Variants in SENP5 observed in about 807,000 individuals in gnomAD.
The protein encoded by SENP5 is SUMO specific peptidase 5, also known as sentrin-specific protease 5.
Under a neutral mutation model 74.2 loss-of-function variants are expected in SENP5, and 21 were observed. That is an observed-to-expected ratio of 0.28 (90% CI 0.20 to 0.41). The LOEUF (loss-of-function observed/expected upper bound fraction) is 0.41, where lower values mean the gene tolerates loss of function less well. Ranked by LOEUF, SENP5 falls within the 10% of genes least tolerant of loss-of-function variation. The pLI, the probability that SENP5 is intolerant of heterozygous loss-of-function variation, is 1.00. For missense variants in SENP5, 717 were observed against 889.1 expected (o/e 0.81, Z 2.46); for synonymous variants, 311 against 312.7 (o/e 0.99, Z 0.06).
At chr3:196,889,047 C>T (rs542346567) in intron 2 of SENP5, among the ~76,000 whole-genome samples, 42 of 151,956 alleles carry the variant, frequency 2.8e-4, no homozygotes, top group Non-Finnish European at 5.6e-4. Context: ...ACGGGGGAGG[C>T]GGAGCTTGCA....
At chr3:196,898,157 GA>G in intron 2 of SENP5, among the ~76,000 whole-genome samples, 1 of 145,432 alleles carries the variant, frequency 6.9e-6, no homozygotes, top group Non-Finnish European at 1.5e-5. Context: ...CAGCCTGGGT[GA>G]AAAGAGCAAG....
chr3:196,900,203 A>G, intron 4 of SENP5, 141 bp downstream of exon 4: 2 of 1,235,106 alleles, frequency 1.6e-6, no homozygotes, highest in Non-Finnish European at 2.2e-6. Flanking sequence ...CAGGATCCAA[A>G]CGGTTTGATT....
chr3:196,888,116 T>A (rs1014239624), intron 2 of SENP5, among the ~76,000 whole-genome samples: 1 of 152,182 alleles, frequency 6.6e-6, no homozygotes, highest in Non-Finnish European at 1.5e-5. Context: ...AGTTTTTACG[T>A]CATGCTTTAA....
At chr3:196,873,221 A>G (rs1369597937) in intron 1 of SENP5, among the ~76,000 whole-genome samples, 3 of 151,812 alleles carry the variant, frequency 2.0e-5, no homozygotes, top group African/African-American at 7.3e-5. Flanking sequence ...TTACAGGCAC[A>G]TGCCACCATG....
In SENP5 at chr3:196,885,369, C is replaced by G. The variant is rs1226160948; in HGVS notation, c.188C>G (p.Ala63Gly). The change falls in exon 2 of 10, where the codon GCT becomes GGT. Residue 63 changes from alanine (A) to glycine (G), a missense_variant. Coordinates refer to ENST00000323460, the MANE Select transcript of SENP5 (RefSeq NM_152699.5). ...QLRHFQGRKKALQIQKTWIKD... is the reference protein window; with the variant it reads ...QLRHFQGRKKGLQIQKTWIKD... ...AGACATTTCCAGGGTAGAAAGAAAG[C>G]TCTTCAAATCCAGAAAACGTGGATC... 6.2e-7 allele frequency: 1 copy of G among 1,614,010 alleles called. No individual in the cohort carries two copies. Among genetic ancestry groups the G allele is most frequent in the African/African-American group, 1.3e-5 (1 of 74,908 alleles).
intron 1 of SENP5, among the ~76,000 whole-genome samples, chr3:196,875,951 T>G (rs1181534891): frequency 6.6e-6 from 1 of 152,162 alleles, no homozygotes; most frequent in Non-Finnish European, 1.5e-5. Flanking sequence ...CTTGAAATCC[T>G]GGGCTCAAGC....
intron 1 of SENP5, among the ~76,000 whole-genome samples, chr3:196,876,850 G>A (rs1713498990): frequency 6.6e-6 from 1 of 152,072 alleles, no homozygotes; most frequent in Non-Finnish European, 1.5e-5. Context: ...TCCAGCCTGG[G>A]TGACAGAGTG....
intron 6 of SENP5, among the ~76,000 whole-genome samples, chr3:196,907,110 G>A (rs1022800833): frequency 2.6e-5 from 4 of 152,270 alleles, no homozygotes; most frequent in African/African-American, 9.6e-5. Flanking sequence ...ACAACTAGTA[G>A]AGGATTGTTC....
intron 1 of SENP5, among the ~76,000 whole-genome samples, chr3:196,868,886 T>TTTTTTTGTTTGTTTG (rs879886830): frequency 0.016 from 2,487 of 151,854 alleles, 33 homozygotes; most frequent in African/African-American, 0.031. Flanking sequence ...ACTTATGTTT[T>TTTTTTTGTTTGTTTG]TTTTTTGCAT....
At chr3:196,911,305 C>T (rs1715114583) in intron 6 of SENP5, among the ~76,000 whole-genome samples, 1 of 152,156 alleles carries the variant, frequency 6.6e-6, no homozygotes, top group African/African-American at 2.4e-5. Context: ...TTTTTGCAGT[C>T]TACCCACCTG....
Position 196,930,969 on chromosome 3 carries a change from G to A in SENP5, c.*46G>A. 8.2e-7 allele frequency: 1 copy of A among 1,217,734 alleles called. No homozygotes were observed. The highest frequency in any genetic ancestry group is 1.5e-5 in the African/African-American group (1 of 67,410). The allele number at this position is 1,217,734 out of a possible 1,614,324, so 75.4% of individuals were successfully genotyped here. On this transcript the variant is annotated 3_prime_UTR_variant, in exon 10 of 10. Transcript: ENST00000323460. ...AAGTCTGACCAAGTTGGAGCAGATG[G>A]TTTGTTACTTGAATCTCCAAACACT... is the stretch of plus-strand genomic sequence containing the variant.
intron 2 of SENP5, among the ~76,000 whole-genome samples, chr3:196,896,352 C>G (rs750822572): frequency 6.6e-6 from 1 of 152,180 alleles, no homozygotes; most frequent in African/African-American, 2.4e-5. Flanking sequence ...TCTGTAGTCA[C>G]GGTACCTACA....
In SENP5 at chr3:196,885,195, G is replaced by A. The variant is rs1713898269; in HGVS notation, c.14G>A (p.Arg5Lys). The A allele has an allele frequency of 5.0e-6, 8 of 1,610,098 alleles. No individual in the cohort carries two copies. Among genetic ancestry groups the A allele is most frequent in the Non-Finnish European group, 6.8e-6 (8 of 1,178,648 alleles). Residue 5 changes from arginine to lysine, a missense_variant, in exon 2 of 10, where the codon AGG (arginine) becomes AAG (lysine). By Grantham distance (26) the Arg-to-Lys change is conservative. Around this residue, in one of 4 missense-constraint regions of SENP5, gnomAD observed 567 missense variants for 577.4 expected, o/e 0.98. Transcript: ENST00000323460. The part of the protein sequence containing the change: MKKQ[R>K]KILWRKGIHL... ...TGCATCAGAAAAATGAAAAAACAGA[G>A]GAAAATTCTATGGAGGAAAGGAATC...
chr3:196,891,788 C>T (rs909740191), intron 2 of SENP5, among the ~76,000 whole-genome samples: 1 of 152,048 alleles, frequency 6.6e-6, no homozygotes, highest in Admixed American at 6.5e-5. Flanking sequence ...GACAGCAAGA[C>T]CTTGTCTCTC....
At chr3:196,880,160 G>A (rs1336129443) in intron 1 of SENP5, among the ~76,000 whole-genome samples, 1 of 152,120 alleles carries the variant, frequency 6.6e-6, no homozygotes, top group East Asian at 1.9e-4. Flanking sequence ...TGGCCAGGCT[G>A]GTCTTGAACT....
chr3:196,887,011 T>A (rs1177491748), intron 2 of SENP5, among the ~76,000 whole-genome samples: 1 of 152,206 alleles, frequency 6.6e-6, no homozygotes, highest in African/African-American at 2.4e-5. Flanking sequence ...CTTAAAATTT[T>A]AAGATAATTA....
chr3:196,931,257 T>C lies in SENP5; in HGVS notation c.*334T>C, dbSNP rs1716028809. On this transcript the variant is annotated 3_prime_UTR_variant, in exon 10 of 10. Transcript: ENST00000323460. ...ATTTGGTGCAGCTTTTGAAACTTAGTTAGACGTGAACTGAATACAGGTTTC... is the reference window on the plus strand; with the variant it reads ...ATTTGGTGCAGCTTTTGAAACTTAGCTAGACGTGAACTGAATACAGGTTTC... The C allele has an allele frequency of 5.0e-6, 1 of 201,528 alleles. No homozygotes were observed. Among genetic ancestry groups the C allele is most frequent in the South Asian group, 1.0e-4 (1 of 9,806 alleles). 12.5% of individuals were successfully genotyped at this position (201,528 alleles called of 1,614,324 possible).
chr3:196,882,913 T>C (rs1250084725), intron 1 of SENP5, among the ~76,000 whole-genome samples: 1 of 141,908 alleles, frequency 7.0e-6, no homozygotes, highest in Non-Finnish European at 1.5e-5. Context: ...TGGGGTAATA[T>C]CTGTATCTTT....
intron 9 of SENP5, among the ~76,000 whole-genome samples, chr3:196,929,990 A>ATT (rs1553828168): frequency 1.8e-4 from 13 of 72,794 alleles, no homozygotes; most frequent in East Asian, 1.3e-3. Flanking sequence ...ATTTGCATAA[A>ATT]AAAAAAAAAA....
Sources: gnomAD v4.1 joint callset for allele counts (sites outside exome capture counted in the v4.1 genomes callset) on GRCh38, gnomAD v4.1.1 for gene constraint, gnomAD v4.1.1 regional missense constraint, MANE v1.5 for transcripts, NCBI Gene and HGNC (gene_info 2026-07-23, HGNC 2026-07-21) for gene names.